COPB1: variants seen among roughly 807,000 people sequenced by gnomAD.
COPB1 encodes coatomer subunit beta.
In COPB1, 21 loss-of-function variants were observed where a neutral mutation model predicts 108.7. That is an observed-to-expected ratio of 0.19 (90% confidence interval 0.14 to 0.28). The LOEUF is 0.28. Among genes scored for constraint, COPB1 ranks in the 10% least tolerant of loss-of-function variants. The pLI, the probability that COPB1 is intolerant of heterozygous loss-of-function variation, is 1.00. For synonymous variants in COPB1, 378 were observed against 386.8 expected (o/e 0.98, Z 0.27); for missense variants, 919 against 1,141.3 (o/e 0.81, Z 2.81).
chr11:14,478,571 CAGTAAAAAAATAAT>C (rs1850581084), intron 11 of COPB1, among the ~76,000 whole-genome samples: 1 of 151,134 alleles, frequency 6.6e-6, no homozygotes, highest in African/African-American at 2.4e-5. Context: ...TACAAGGGAT[CAGTAAAAAAATAAT>C]AGTAAAGAAA....
intron 10 of COPB1, among the ~76,000 whole-genome samples, chr11:14,480,181 C>A (rs1048028786): frequency 8.5e-5 from 13 of 152,178 alleles, no homozygotes; most frequent in Admixed American, 6.5e-5. Flanking sequence ...AACAAAGTCA[C>A]AATGGCTTTT....
intron 16 of COPB1, 152 bp downstream of exon 16, chr11:14,468,529 T>C (rs1160431876): frequency 3.0e-6 from 2 of 661,598 alleles, no homozygotes; most frequent in Non-Finnish European, 5.2e-6. Context: ...AGTAGTAAGG[T>C]ACTTCATCAG....
intron 14 of COPB1, among the ~76,000 whole-genome samples, chr11:14,472,166 AAAT>A (rs1318586436): frequency 1.3e-5 from 2 of 152,216 alleles, no homozygotes; most frequent in Non-Finnish European, 2.9e-5. Context: ...TCTGTTTCTT[AAAT>A]AATAAGAGTT....
intron 4 of COPB1, among the ~76,000 whole-genome samples, 198 bp downstream of exon 4, chr11:14,493,444 G>T (rs966509367): frequency 3.3e-5 from 5 of 152,226 alleles, no homozygotes; most frequent in Non-Finnish European, 7.3e-5. Context: ...AAGTTCAGCA[G>T]AATGTTGTCT....
At chr11:14,475,750 AG>A (rs1283325529) in intron 13 of COPB1, 34 bp downstream of exon 13, 2 of 1,469,954 alleles carry the variant, frequency 1.4e-6, no homozygotes, top group African/African-American at 1.4e-5. Flanking sequence ...TAATAAAAGT[AG>A]TACAGCTGGC....
chr11:14,491,258 G>C (rs190118215), intron 4 of COPB1, among the ~76,000 whole-genome samples: 1 of 152,264 alleles, frequency 6.6e-6, no homozygotes, highest in Non-Finnish European at 1.5e-5. Flanking sequence ...ACGTTGGCCA[G>C]GCTTGTCTCA....
chr11:14,479,513 A>G, intron 11 of COPB1, 56 bp downstream of exon 11: 1 of 1,521,498 alleles, frequency 6.6e-7, no homozygotes, highest in African/African-American at 1.4e-5. Context: ...CCCTTTAAAG[A>G]TAAAAACTGA....
At chr11:14,475,747 AG>A (rs1236005989) in intron 13 of COPB1, 37 bp downstream of exon 13, 21 of 1,467,346 alleles carry the variant, frequency 1.4e-5, no homozygotes, top group East Asian at 2.4e-5. Flanking sequence ...TAATAATAAA[AG>A]TAGTACAGCT....
chr11:14,467,692 T>C (rs1435827106), intron 16 of COPB1, among the ~76,000 whole-genome samples: 1 of 152,220 alleles, frequency 6.6e-6, no homozygotes, highest in Non-Finnish European at 1.5e-5. Context: ...ACTTACAATG[T>C]AATATTATTC....
rs1426594671 is a variant in COPB1, at chr11:14,458,547, A to G, written c.2787T>C (p.Ile929=). Residue 929 remains isoleucine (I), a synonymous_variant, in exon 21 of 22, where the codon ATT becomes ATC. Coordinates refer to ENST00000439561, the MANE Select transcript of COPB1 (RefSeq NM_001144061.2). The part of the protein sequence containing the change: ...PDAAVTGHIR[I]RAKSQGMALS... ...GAACTGTTACCTGGCTCTTTGCACG[A>G]ATTCTTATATGGCCGGTAACAGCAG... The G allele has an allele frequency of 1.9e-6, 3 of 1,609,798 alleles. No homozygotes were observed. Among genetic ancestry groups the G allele is most frequent in the Non-Finnish European group, 2.5e-6 (3 of 1,178,746 alleles).
In COPB1 at chr11:14,479,604, C is replaced by G; in HGVS notation, c.1323G>C (p.Lys441Asn). The change falls in exon 11 of 22, where the codon AAG (lysine) becomes AAC (asparagine). Residue 441 changes from lysine to asparagine, a missense_variant. Physicochemically the swap from Lys to Asn is moderately conservative, Grantham distance 94 (BLOSUM62 0). This residue lies in a region of COPB1 where 705 missense variants were observed against 817.8 expected (regional missense o/e 0.86). Coordinates refer to ENST00000439561, the MANE Select transcript of COPB1 (RefSeq NM_001144061.2). ...FDNLRMLIVEKMLEVFHAIKS... is the reference protein window; with the variant it reads ...FDNLRMLIVENMLEVFHAIKS... ...TAATAGCATGAAAGACTTCAAGCAT[C>G]TTCTCAACAATAAGCATTCTCAGGT... 1.9e-6 allele frequency: 3 copies of G among 1,612,826 alleles called. No homozygotes were observed. Among genetic ancestry groups the G allele is most frequent in the Non-Finnish European group, 2.5e-6 (3 of 1,179,474 alleles).
chr11:14,475,785 C>A lies in COPB1; in HGVS notation c.1616G>T (p.Arg539Ile). The A allele has an allele frequency of 6.4e-7, 1 of 1,550,866 alleles. No homozygotes were observed. ...GCAGGGTATATGTGCCATAAATTAC[C>A]TGTCTTCCTCTTTCTTGGTGGGTCT... ...SSRPTKKEED[R>I]PPLRGFLLDG... The change falls in exon 13 of 22, where the codon AGA (arginine) becomes ATA (isoleucine). Residue 539 changes from arginine to isoleucine, a missense_variant and splice_region_variant. Arg to Ile is a moderately conservative substitution (Grantham distance 97). Coordinates refer to ENST00000439561, the MANE Select transcript of COPB1 (RefSeq NM_001144061.2).
At position 14,488,592 on chromosome 11, in the gene COPB1, A is replaced by C. The variant is rs767169433; in HGVS notation, c.607-8T>G. 1 of 1,576,740 alleles carries C rather than the reference A, an allele frequency of 6.3e-7. No individual in the cohort carries two copies. Among genetic ancestry groups the C allele is most frequent in the Non-Finnish European group, 8.7e-7 (1 of 1,153,608 alleles). On this transcript the variant is annotated splice_polypyrimidine_tract_variant and splice_region_variant and intron_variant, in intron 5 of 21. Transcript: ENST00000439561. ...GTAATCCAAAGCTCGATCCTAAAAA[A>C]AATAAGAATATATTTATCATTCTCC...
At chr11:14,477,711 A>G (rs1350296535) in intron 11 of COPB1, among the ~76,000 whole-genome samples, 1 of 152,054 alleles carries the variant, frequency 6.6e-6, no homozygotes, top group Non-Finnish European at 1.5e-5. Context: ...CCTCACAAAC[A>G]TGGTGAAACC....
rs1850781491 is a variant in COPB1, at chr11:14,486,572, T to G, written c.700-68A>C. On this transcript the variant is annotated intron_variant, in intron 6 of 21. Transcript: ENST00000439561. ...CTTGTTTTCAAATGGAGTTTTTTCA[T>G]GAATGTCAGCTTATGGGATGCTAGT... 3 of 1,580,406 alleles carry G rather than the reference T, an allele frequency of 1.9e-6. No individual in the cohort carries two copies. The South Asian group carries it at 3.4e-5, about 18-fold the overall frequency.
chr11:14,459,414 T>C (rs1013696703), intron 20 of COPB1, among the ~76,000 whole-genome samples: 9 of 152,246 alleles, frequency 5.9e-5, no homozygotes, highest in African/African-American at 1.7e-4. Context: ...TATAACATTA[T>C]AGAAATTTTA....
Position 14,461,289 on chromosome 11 carries a change from A to G in COPB1, c.2453T>C (p.Val818Ala). The G allele has an allele frequency of 6.2e-7, 1 of 1,614,184 alleles. No individual in the cohort carries two copies. Among genetic ancestry groups the G allele is most frequent in the African/African-American group, 1.3e-5 (1 of 75,058 alleles). Residue 818 changes from valine to alanine, a missense_variant, in exon 19 of 22, where the codon GTT becomes GCT. By Grantham distance (64) the Val-to-Ala change is moderately conservative (BLOSUM62 0). Transcript: ENST00000439561. ...GATGTCGATGTGAATATCACTGAGA[A>G]CCACACAATTTCTGTCACTTGCTGC... is the stretch of plus-strand genomic sequence containing the variant. ...SGAASDRNCV[V>A]LSDIHIDIMD...
At chr11:14,470,944 A>ACACACACACACACACTCTCTCT (rs1285522756) in intron 14 of COPB1, among the ~76,000 whole-genome samples, 1 of 90,156 alleles carries the variant, frequency 1.1e-5, no homozygotes, top group African/African-American at 5.2e-5. Context: ...ACACACACAC[A>ACACACACACACACACTCTCTCT]CTCTCTCTCT....
At chr11:14,463,134 T>A (rs1486850566) in intron 18 of COPB1, among the ~76,000 whole-genome samples, 2 of 152,218 alleles carry the variant, frequency 1.3e-5, no homozygotes, top group Non-Finnish European at 2.9e-5. Context: ...AGGTTTTTCC[T>A]TACTTTTCTA....
Sources: allele counts gnomAD v4.1 joint callset (sites outside exome capture counted in the v4.1 genomes callset), GRCh38; gene constraint gnomAD v4.1.1; regional missense constraint gnomAD v4.1.1; transcripts MANE v1.5; gene names NCBI Gene and HGNC (gene_info 2026-07-23, HGNC 2026-07-21).